Variants in CYP7A1 observed in about 807,000 individuals in gnomAD.
CYP7A1 encodes cytochrome P450 7A1.
In CYP7A1, 28 loss-of-function variants were observed where a neutral mutation model predicts 43.8. The observed-to-expected ratio is 0.64, with a 90% CI of 0.47 to 0.88. The LOEUF is 0.88. Among genes scored for constraint, CYP7A1 ranks in the 40% least tolerant of loss-of-function variants. CYP7A1 has a pLI of 0.00. For missense variants in CYP7A1, 637 were observed against 611.9 expected (o/e 1.04, Z -0.43); for synonymous variants, 227 against 222.5 (o/e 1.02, Z -0.18).
chr8:58,497,240 A>ATT, intron 2 of CYP7A1, 50 bp from the exon 3 acceptor site: 1 of 1,441,610 alleles, frequency 6.9e-7, no homozygotes, highest in Non-Finnish European at 9.6e-7. Flanking sequence ...TGACCTAGTC[A>ATT]TAGTAAATGA....
At chr8:58,496,572 T>A in intron 3 of CYP7A1, 32 bp downstream of exon 3, 1 of 1,557,150 alleles carries the variant, frequency 6.4e-7, no homozygotes. Flanking sequence ...TCTACTAAAA[T>A]AAAAAAAAGA....
At chr8:58,494,711 A>T in intron 3 of CYP7A1, 75 bp from the exon 4 acceptor site, 1 of 1,409,760 alleles carries the variant, frequency 7.1e-7, no homozygotes, top group Non-Finnish European at 1.0e-6. Context: ...GCAAACAAAT[A>T]GGCCTTTCCC....
Position 58,491,170 on chromosome 8 carries a change from A to G in CYP7A1, c.*305T>C, listed in dbSNP as rs903765200. 5.7e-6 allele frequency: 2 copies of G among 352,218 alleles called. No homozygotes were observed. Among genetic ancestry groups the G allele is most frequent in the African/African-American group, 4.1e-5 (2 of 48,382 alleles). The allele number at this position is 352,218 out of a possible 1,614,324, so 21.8% of individuals were successfully genotyped here. A position where few individuals can be genotyped will look rare whatever the true frequency, so the allele number is the denominator to read the frequency against. On this transcript the variant is annotated 3_prime_UTR_variant, in exon 6 of 6. Coordinates refer to ENST00000301645, the MANE Select transcript of CYP7A1 (RefSeq NM_000780.4). The stretch of plus-strand genomic sequence containing the variant: ...TCTTCATTTTGAAAAAAAATAAAAT[A>G]AAGGTGTTTTCCTTTGAAAATAATA...
At chr8:58,499,271 A>G (rs564258724) in intron 1 of CYP7A1, among the ~76,000 whole-genome samples, 1 of 152,336 alleles carries the variant, frequency 6.6e-6, no homozygotes, top group South Asian at 2.1e-4. Context: ...ACACATAGCA[A>G]TCTACAAAGC....
chr8:58,492,969 C>T (rs1428528701), intron 4 of CYP7A1, among the ~76,000 whole-genome samples: 1 of 152,082 alleles, frequency 6.6e-6, no homozygotes, highest in South Asian at 2.1e-4. Context: ...CAGGGTTTTG[C>T]TATGTTGCCC....
chr8:58,491,537 C>T lies in CYP7A1; in HGVS notation c.1453G>A (p.Gly485Ser). 1.2e-6 allele frequency: 2 copies of T among 1,614,138 alleles called. No homozygotes were observed. Among genetic ancestry groups the T allele is most frequent in the East Asian group, 2.2e-5 (1 of 44,870 alleles). ...KCPPLDQSRA[G>S]LGILPPLNDI... Reference sequence around the variant, plus strand: ...TTCAATGGCGGCAAAATGCCCAAGCCTGCCCGGGACTGGTCCAAAGGTGGA... The same window carrying T: ...TTCAATGGCGGCAAAATGCCCAAGCTTGCCCGGGACTGGTCCAAAGGTGGA... Residue 485 changes from glycine (G) to serine (S), a missense_variant, in exon 6 of 6, where the codon GGC (glycine) becomes AGC (serine). Gly to Ser is a moderately conservative substitution (Grantham distance 56). Coordinates refer to ENST00000301645, the MANE Select transcript of CYP7A1 (RefSeq NM_000780.4).
At chr8:58,495,031 G>C (rs1809416592) in intron 3 of CYP7A1, among the ~76,000 whole-genome samples, 1 of 151,472 alleles carries the variant, frequency 6.6e-6, no homozygotes, top group South Asian at 2.1e-4. Context: ...CTACTCGGGA[G>C]GCTGAGGCAG....
rs1809337774 is a variant in CYP7A1, at chr8:58,490,815, A to G, written c.*660T>C. On this transcript the variant is annotated 3_prime_UTR_variant, in exon 6 of 6. Coordinates refer to ENST00000301645, the MANE Select transcript of CYP7A1 (RefSeq NM_000780.4). ...AAAAATATTTCCTTTTTATTAAAAG[A>G]CATAACTAATCATAATCATTTGAAA... 6.6e-6 allele frequency: 1 copy of G among 152,234 alleles called. No homozygotes were observed. Among genetic ancestry groups the G allele is most frequent in the African/African-American group, 2.4e-5 (1 of 41,470 alleles). The allele number at this position is 152,234 out of a possible 1,614,324, so 9.4% of individuals were successfully genotyped here.
At chr8:58,494,993 G>T (rs960414042) in intron 3 of CYP7A1, among the ~76,000 whole-genome samples, 2 of 151,690 alleles carry the variant, frequency 1.3e-5, no homozygotes, top group South Asian at 4.2e-4. Context: ...AATCAGCCAG[G>T]CATGGCAGTG....
In CYP7A1 at chr8:58,491,668, G is replaced by T; in HGVS notation, c.1322C>A (p.Ala441Asp). The T allele has an allele frequency of 4.3e-6, 7 of 1,614,092 alleles. No individual in the cohort carries two copies. Among genetic ancestry groups the T allele is most frequent in the Non-Finnish European group, 5.9e-6 (7 of 1,179,970 alleles). The change falls in exon 6 of 6, where the codon GCT (alanine) becomes GAT (aspartate). Residue 441 changes from alanine to aspartate, a missense_variant. By Grantham distance (126) the Ala-to-Asp change is moderately radical. Coordinates refer to ENST00000301645, the MANE Select transcript of CYP7A1 (RefSeq NM_000780.4). The stretch of plus-strand genomic sequence containing the variant: ...GAACAATCTTCCAGGACATATTGTA[G>T]CTCCCGATCCAAAGGGCATGTAGTA... ...KYYYMPFGSG[A>D]TICPGRLFAI... is the part of the protein sequence containing the mutation.
intron 3 of CYP7A1, among the ~76,000 whole-genome samples, chr8:58,495,802 TAA>T (rs1483777980): frequency 2.6e-5 from 4 of 152,214 alleles, no homozygotes; most frequent in African/African-American, 7.2e-5. Context: ...CATCTGAAAT[TAA>T]GTTTTAAAAT....
rs193237767 is a variant in CYP7A1 at position 58,490,366 on chromosome 8, C to T, written c.*1109G>A. ...TATTTTATCAAAGCATTGTTGTACACAGCATTTAAACACTCGAGTCACCTT... is the reference window on the plus strand; with the variant it reads ...TATTTTATCAAAGCATTGTTGTACATAGCATTTAAACACTCGAGTCACCTT... On this transcript the variant is annotated 3_prime_UTR_variant, in exon 6 of 6. Coordinates refer to ENST00000301645, the MANE Select transcript of CYP7A1 (RefSeq NM_000780.4). 2.4e-3 allele frequency: 361 copies of T among 152,204 alleles called. 2 individuals carry two copies. The highest frequency in any genetic ancestry group is 7.7e-3 in the African/African-American group (320 of 41,546). The allele number at this position is 152,204 out of a possible 1,614,324, so 9.4% of individuals were successfully genotyped here. A position where few individuals can be genotyped will look rare whatever the true frequency, so the allele number is the denominator to read the frequency against.
In CYP7A1 at chr8:58,494,666, T is replaced by C. The variant is rs753761190; in HGVS notation, c.909-30A>G. 2.2e-5 allele frequency: 35 copies of C among 1,609,986 alleles called. No homozygotes were observed. The Admixed American group carries it at 5.8e-4, about 27-fold the overall frequency. The stretch of plus-strand genomic sequence containing the variant: ...TAAAAGGTAAGAGAAAACATGTATG[T>C]ACAGAAAATAAACTTTTTCCATACT... On this transcript the variant is annotated intron_variant, in intron 3 of 5. Transcript: ENST00000301645.
rs1036368934 is a variant in CYP7A1 at position 58,491,412 on chromosome 8, T to C, written c.*63A>G. ...TAAATGCATTTGTCCAAAGGGACTG[T>C]GTGGTGAGGGTGTTCTGCAGTCCTG... On this transcript the variant is annotated 3_prime_UTR_variant, in exon 6 of 6. Transcript: ENST00000301645. 1 of 1,418,446 alleles carries C rather than the reference T, an allele frequency of 7.0e-7. No individual in the cohort carries two copies. The highest frequency in any genetic ancestry group is 1.4e-5 in the African/African-American group (1 of 71,092). 87.9% of individuals were successfully genotyped at this position (1,418,446 alleles called of 1,614,324 possible).
Position 58,491,393 on chromosome 8 carries a change from C to T in CYP7A1, c.*82G>A, listed in dbSNP as rs1471379514. The T allele has an allele frequency of 3.2e-6, 4 of 1,266,046 alleles. No individual in the cohort carries two copies. The highest frequency in any genetic ancestry group is 4.5e-6 in the Non-Finnish European group (4 of 881,958). 78.4% of individuals were successfully genotyped at this position (1,266,046 alleles called of 1,614,324 possible). A position where few individuals can be genotyped will look rare whatever the true frequency, so the allele number is the denominator to read the frequency against. The stretch of plus-strand genomic sequence containing the variant: ...GAATCATTTCTACCACCACTAAATG[C>T]ATTTGTCCAAAGGGACTGTGTGGTG... On this transcript the variant is annotated 3_prime_UTR_variant, in exon 6 of 6. Transcript: ENST00000301645.
chr8:58,499,642 A>G (rs1183699071), intron 1 of CYP7A1, among the ~76,000 whole-genome samples: 2 of 152,174 alleles, frequency 1.3e-5, no homozygotes, highest in African/African-American at 4.8e-5. Flanking sequence ...AAGCCATGTG[A>G]GAGAAAGCAA....
rs762252165 is a variant in CYP7A1, at chr8:58,496,897, A to G, written c.615T>C (p.Asn205=). Residue 205 remains asparagine, a synonymous_variant, in exon 3 of 6, where the codon AAT becomes AAC. Coordinates refer to ENST00000301645, the MANE Select transcript of CYP7A1 (RefSeq NM_000780.4). ...RDTQKAHILN[N]LDNFKQFDKV... is the part of the protein sequence containing the mutation. ...TGTCGAATTGCTTGAAGTTGTCAAGATTGTTTAGAATATGTGCTTTCTGTG... is the reference window on the plus strand; with the variant it reads ...TGTCGAATTGCTTGAAGTTGTCAAGGTTGTTTAGAATATGTGCTTTCTGTG... 23 of 1,614,066 alleles carry G rather than the reference A, an allele frequency of 1.4e-5. No homozygotes were observed. In the South Asian group the frequency reaches 1.8e-4, roughly 12 times the overall value.
At position 58,498,477 on chromosome 8, in the gene CYP7A1, A is replaced by G. The variant is rs1249713028; in HGVS notation, c.81-8T>C. On this transcript the variant is annotated splice_region_variant and splice_polypyrimidine_tract_variant and intron_variant, in intron 1 of 5. Coordinates refer to ENST00000301645, the MANE Select transcript of CYP7A1 (RefSeq NM_000780.4). ...GGTGGTTCACCCGTTTGCCTGTCAG[A>G]CACAAGTGTATGATAGACATGGATG... 1 of 1,614,058 alleles carries G rather than the reference A, an allele frequency of 6.2e-7. No individual in the cohort carries two copies.
chr8:58,495,143 A>G (rs1230545183), intron 3 of CYP7A1, among the ~76,000 whole-genome samples: 1 of 151,632 alleles, frequency 6.6e-6, no homozygotes, highest in African/African-American at 2.4e-5. Flanking sequence ...CGAAAAAAAA[A>G]ATAATAATAA....
Sources: gnomAD v4.1 joint callset for allele counts (sites outside exome capture counted in the v4.1 genomes callset) on GRCh38, gnomAD v4.1.1 for gene constraint, MANE v1.5 for transcripts, NCBI Gene and HGNC (gene_info 2026-07-23, HGNC 2026-07-21) for gene names.